Variants in EYS observed in about 807,000 individuals in gnomAD.
EYS encodes the protein EGF-like photoreceptor maintenance factor.
Under a neutral mutation model 282.1 loss-of-function variants are expected in EYS, and 250 were observed. The ratio of observed to expected loss-of-function variants is 0.89; its 90% CI spans 0.80 to 0.98. The LOEUF is 0.98. Among genes scored for constraint, EYS ranks in the 50% least tolerant of loss-of-function variants. The pLI is 0.00. For synonymous variants in EYS, 1,355 were observed against 1,282.9 expected (o/e 1.06, Z -1.20); for missense variants, 4,016 against 3,709.0 (o/e 1.08, Z -2.15).
chr6:65,432,971 T>G (rs545593320), intron 5 of EYS, among the ~76,000 whole-genome samples: 6 of 152,204 alleles, frequency 3.9e-5, no homozygotes, highest in East Asian at 1.9e-4. Context: ...GAAGATAGAC[T>G]GGTAATTAAG....
At chr6:63,733,975 C>A (rs988311960) in intron 41 of EYS, among the ~76,000 whole-genome samples, 3 of 151,998 alleles carry the variant, frequency 2.0e-5, no homozygotes, top group African/African-American at 7.2e-5. Flanking sequence ...ACAGCCAGTA[C>A]CTTTAATCAG....
intron 8 of EYS, among the ~76,000 whole-genome samples, chr6:65,382,481 G>GTGTGTC (rs1765654956): frequency 6.6e-6 from 1 of 151,150 alleles, no homozygotes; most frequent in South Asian, 2.1e-4. Context: ...GTGTGTGTGT[G>GTGTGTC]TGTGTGTGTG....
chr6:64,721,605 ACTTTC>A (rs1260575955), intron 22 of EYS, among the ~76,000 whole-genome samples: 3 of 152,264 alleles, frequency 2.0e-5, no homozygotes, highest in African/African-American at 4.8e-5. Flanking sequence ...GAATAACTTG[ACTTTC>A]CTTTAATTTA....
chr6:65,129,396 G>A (rs1775804314), intron 12 of EYS, among the ~76,000 whole-genome samples: 1 of 151,710 alleles, frequency 6.6e-6, no homozygotes. Context: ...CTACAGAATG[G>A]GGAAAATATT....
chr6:63,733,980 A>C (rs1277453340), intron 41 of EYS, among the ~76,000 whole-genome samples: 1 of 152,088 alleles, frequency 6.6e-6, no homozygotes, highest in Non-Finnish European at 1.5e-5. Flanking sequence ...CAGTACCTTT[A>C]ATCAGCAGGT....
At chr6:64,053,063 T>G (rs1049387496) in intron 33 of EYS, among the ~76,000 whole-genome samples, 1 of 152,182 alleles carries the variant, frequency 6.6e-6, no homozygotes, top group African/African-American at 2.4e-5. Flanking sequence ...ATAAACAACT[T>G]TAAAATATGT....
chr6:65,468,236 C>G (rs1765079344), intron 5 of EYS, among the ~76,000 whole-genome samples: 1 of 152,138 alleles, frequency 6.6e-6, no homozygotes, highest in African/African-American at 2.4e-5. Context: ...GCCGAAGCTA[C>G]AAGAAGAGAC....
intron 27 of EYS, 139 bp from the exon 28 acceptor site, chr6:64,436,404 T>G: frequency 1.7e-6 from 1 of 576,418 alleles, no homozygotes; most frequent in Non-Finnish European, 3.1e-6. Flanking sequence ...TAAAGAGAAG[T>G]GATAACTGAA....
intron 35 of EYS, among the ~76,000 whole-genome samples, chr6:63,923,023 T>C (rs1238359011): frequency 1.3e-5 from 2 of 152,206 alleles, no homozygotes; most frequent in Non-Finnish European, 2.9e-5. Context: ...TGGGGTCCCT[T>C]TGAGTTGTCA....
intron 26 of EYS, among the ~76,000 whole-genome samples, chr6:64,585,714 T>C (rs1414768595): frequency 6.6e-6 from 1 of 152,096 alleles, no homozygotes; most frequent in Admixed American, 6.6e-5. Flanking sequence ...TCTGGAGCAA[T>C]ATAACATTTT....
chr6:65,436,069 C>G (rs980697166), intron 5 of EYS, among the ~76,000 whole-genome samples: 2 of 151,998 alleles, frequency 1.3e-5, no homozygotes, highest in Non-Finnish European at 2.9e-5. Flanking sequence ...TAACACTAAA[C>G]AGAGCATTTT....
At chr6:65,292,620 GA>G (rs1162719752) in intron 12 of EYS, among the ~76,000 whole-genome samples, 1 of 151,684 alleles carries the variant, frequency 6.6e-6, no homozygotes, top group Non-Finnish European at 1.5e-5. Context: ...CTGCTTTGGG[GA>G]AAATGAAATT....
intron 12 of EYS, among the ~76,000 whole-genome samples, chr6:65,146,484 A>C (rs947112500): frequency 1.1e-4 from 16 of 151,950 alleles, no homozygotes; most frequent in Admixed American, 2.0e-4. Context: ...AATTAAAAGA[A>C]ATCAATATTA....
At chr6:65,446,033 C>T (rs1033946104) in intron 5 of EYS, among the ~76,000 whole-genome samples, 1 of 151,682 alleles carries the variant, frequency 6.6e-6, no homozygotes, top group East Asian at 1.9e-4. Flanking sequence ...ATGGTTTTAA[C>T]CCAGAGGTTT....
chr6:64,950,511 T>C (rs1769450998), intron 14 of EYS, among the ~76,000 whole-genome samples: 1 of 151,400 alleles, frequency 6.6e-6, no homozygotes, highest in African/African-American at 2.4e-5. Flanking sequence ...GTATTTAAAA[T>C]ACATTATATA....
intron 12 of EYS, among the ~76,000 whole-genome samples, chr6:65,081,822 C>A (rs1017398382): frequency 1.3e-5 from 2 of 152,000 alleles, no homozygotes; most frequent in African/African-American, 4.8e-5. Context: ...CTGCTGAAAA[C>A]CCTTTACTTC....
chr6:63,932,957 C>T (rs890600985), intron 35 of EYS, among the ~76,000 whole-genome samples: 2 of 152,242 alleles, frequency 1.3e-5, no homozygotes, highest in Non-Finnish European at 2.9e-5. Context: ...CCCATGATAC[C>T]TTCCTTGGGT....
chr6:64,449,638 T>A (rs2150475908), intron 26 of EYS, among the ~76,000 whole-genome samples: 1 of 152,270 alleles, frequency 6.6e-6, no homozygotes, highest in African/African-American at 2.4e-5. Context: ...GGGAAGCCCA[T>A]CAGACTAACA....
chr6:65,706,835 CTAAA>C (rs1425235414), intron 1 of EYS, among the ~76,000 whole-genome samples: 5 of 152,054 alleles, frequency 3.3e-5, no homozygotes, highest in African/African-American at 1.2e-4. Context: ...TACTTCATGA[CTAAA>C]TAAAGATTCT....
Sources: gnomAD v4.1 joint callset for allele counts (sites outside exome capture counted in the v4.1 genomes callset) on GRCh38, gnomAD v4.1.1 for gene constraint, MANE v1.5 for transcripts, NCBI Gene and HGNC (gene_info 2026-07-23, HGNC 2026-07-21) for gene names.